The following GALNTL6 variants were observed in gnomAD, a reference collection of about 807,000 sequenced individuals.
The protein encoded by GALNTL6 is polypeptide N-acetylgalactosaminyltransferase like 6.
GALNTL6 carries 46 observed loss-of-function variants against 73.7 expected under a neutral mutation model. The ratio of observed to expected loss-of-function variants is 0.62; its 90% CI spans 0.49 to 0.80. GALNTL6 has a LOEUF of 0.80. GALNTL6 is among the 30% of genes least tolerant of loss of function. GALNTL6 has a pLI of 0.00. For missense variants in GALNTL6, 604 were observed against 755.0 expected (o/e 0.80, Z 2.34); for synonymous variants, 259 against 263.7 (o/e 0.98, Z 0.17).
chr4:172,721,535 T>C (rs1387346758), intron 5 of GALNTL6, among the ~76,000 whole-genome samples: 1 of 152,202 alleles, frequency 6.6e-6, no homozygotes, highest in African/African-American at 2.4e-5. Flanking sequence ...AATCTTCAGC[T>C]TTCTTAAAGT....
At chr4:172,486,067 C>T (rs975931750) in intron 5 of GALNTL6, among the ~76,000 whole-genome samples, 6 of 152,128 alleles carry the variant, frequency 3.9e-5, no homozygotes, top group African/African-American at 1.4e-4. Context: ...CTAAACTGCT[C>T]AGAGTACAAT....
At chr4:172,691,865 G>A (rs753714723) in intron 5 of GALNTL6, among the ~76,000 whole-genome samples, 61 of 152,266 alleles carry the variant, frequency 4.0e-4, no homozygotes, top group Non-Finnish European at 6.8e-4. Flanking sequence ...AAATTATTGT[G>A]TGCACCCAAT....
chr4:172,027,364 A>G (rs1232963703), intron 2 of GALNTL6, among the ~76,000 whole-genome samples: 1 of 152,140 alleles, frequency 6.6e-6, no homozygotes, highest in East Asian at 1.9e-4. Flanking sequence ...AAATGTTGTC[A>G]TCATTATTAT....
chr4:172,650,919 T>C (rs1311974425), intron 5 of GALNTL6, among the ~76,000 whole-genome samples: 1 of 152,206 alleles, frequency 6.6e-6, no homozygotes, highest in Non-Finnish European at 1.5e-5. Context: ...GATATCATAA[T>C]TCTTAGTGTG....
At chr4:172,882,340 G>A (rs2111191449) in intron 7 of GALNTL6, among the ~76,000 whole-genome samples, 1 of 152,248 alleles carries the variant, frequency 6.6e-6, no homozygotes, top group East Asian at 1.9e-4. Flanking sequence ...GATGCTTAGT[G>A]AATGCGTACT....
At chr4:172,311,512 C>A (rs1014280173) in intron 3 of GALNTL6, 102 bp from the exon 4 acceptor site, 2 of 886,930 alleles carry the variant, frequency 2.3e-6, no homozygotes, top group Non-Finnish European at 3.3e-6. Flanking sequence ...TTCTGCAGAG[C>A]ACAGCAATAG....
At chr4:172,646,596 T>C (rs185007764) in intron 5 of GALNTL6, among the ~76,000 whole-genome samples, 1 of 152,176 alleles carries the variant, frequency 6.6e-6, no homozygotes, top group Admixed American at 6.6e-5. Context: ...TTTACTTTTG[T>C]ATAATACAGT....
At chr4:172,007,246 T>C (rs1418694900) in intron 2 of GALNTL6, among the ~76,000 whole-genome samples, 3 of 152,110 alleles carry the variant, frequency 2.0e-5, no homozygotes, top group African/African-American at 7.2e-5. Flanking sequence ...TCATGTAGAC[T>C]ATATTTTTCT....
chr4:172,577,866 T>C (rs760004289), intron 5 of GALNTL6, among the ~76,000 whole-genome samples: 3 of 151,962 alleles, frequency 2.0e-5, no homozygotes, highest in Non-Finnish European at 2.9e-5. Flanking sequence ...TCCCCACAAC[T>C]CCCCAAAATA....
At chr4:172,345,077 C>T (rs1225246692) in intron 4 of GALNTL6, among the ~76,000 whole-genome samples, 1 of 146,604 alleles carries the variant, frequency 6.8e-6, no homozygotes, top group Non-Finnish European at 1.5e-5. Flanking sequence ...CTCCTTAGCA[C>T]ATTATGAAGA....
chr4:173,026,689 C>T (rs527975606), intron 12 of GALNTL6, among the ~76,000 whole-genome samples: 4 of 152,068 alleles, frequency 2.6e-5, no homozygotes, highest in Non-Finnish European at 5.9e-5. Flanking sequence ...AGTCTTTTGC[C>T]CATTTTCAAA....
At chr4:172,615,633 T>C (rs538262575) in intron 5 of GALNTL6, among the ~76,000 whole-genome samples, 6 of 152,328 alleles carry the variant, frequency 3.9e-5, no homozygotes, top group African/African-American at 1.4e-4. Flanking sequence ...TTATGATGTA[T>C]GGCAAGAATG....
rs114104656 is a variant in GALNTL6, at chr4:172,550,596, T to C, written c.553+201907T>C. ...ACTGCAAATTGCAATTTAAAATTTA[T>C]TTTATTTTATTTTATTTTAGAGACA... On this transcript the variant is annotated intron_variant, in intron 5 of 12. Coordinates refer to ENST00000506823, the MANE Select transcript of GALNTL6 (RefSeq NM_001034845.3). 7.3e-3 allele frequency among the ~76,000 whole-genome samples: 1,107 copies of C among 151,998 alleles called. 16 individuals are homozygous for C. Among genetic ancestry groups the C allele is most frequent in the African/African-American group, 0.025 (1,035 of 41,388 alleles).
At chr4:172,461,714 C>T (rs139005296) in intron 5 of GALNTL6, among the ~76,000 whole-genome samples, 1,719 of 152,206 alleles carry the variant, frequency 0.011, 18 homozygotes, top group Non-Finnish European at 0.014. Context: ...AATGTTTTTG[C>T]TTATAAGGTC....
intron 2 of GALNTL6, among the ~76,000 whole-genome samples, chr4:172,039,713 C>A (rs997857066): frequency 6.6e-6 from 1 of 152,096 alleles, no homozygotes; most frequent in Non-Finnish European, 1.5e-5. Flanking sequence ...TCTGCCTGAG[C>A]AGATGGGCAA....
intron 5 of GALNTL6, among the ~76,000 whole-genome samples, chr4:172,786,781 T>C (rs975767684): frequency 2.6e-5 from 4 of 152,136 alleles, no homozygotes; most frequent in African/African-American, 7.2e-5. Flanking sequence ...ATATTTAAAC[T>C]AAAAAGAGTA....
intron 5 of GALNTL6, among the ~76,000 whole-genome samples, chr4:172,741,429 G>A (rs941006528): frequency 1.3e-5 from 2 of 151,900 alleles, no homozygotes; most frequent in African/African-American, 4.8e-5. Flanking sequence ...TATCCTTATT[G>A]GCAAAACCTA....
chr4:172,057,720 AAAAAAAAAT>A (rs1321012781), intron 2 of GALNTL6, among the ~76,000 whole-genome samples: 6 of 77,422 alleles, frequency 7.7e-5, no homozygotes, highest in Admixed American at 3.2e-4. Context: ...AAAAAAAAAA[AAAAAAAAAT>A]ATATATATAT....
At position 171,876,677 on chromosome 4, in the gene GALNTL6, T is replaced by C. The variant is rs545925896; in HGVS notation, c.138+61959T>C. Reference sequence around the variant, plus strand: ...ACTTAGATAGTAACCTTAGTTAAGATAGTCATTTTAATGAAAAAATGGCAT... The same window carrying C: ...ACTTAGATAGTAACCTTAGTTAAGACAGTCATTTTAATGAAAAAATGGCAT... On this transcript the variant is annotated intron_variant, in intron 2 of 12. Coordinates refer to ENST00000506823, the MANE Select transcript of GALNTL6 (RefSeq NM_001034845.3). 4.6e-5 allele frequency among the ~76,000 whole-genome samples: 7 copies of C among 152,204 alleles called. 1 individual carries two copies. In the East Asian group the frequency reaches 1.2e-3, roughly 25 times the overall value.
Sources: gnomAD v4.1 joint callset for allele counts (sites outside exome capture counted in the v4.1 genomes callset) on GRCh38, gnomAD v4.1.1 for gene constraint, MANE v1.5 for transcripts, NCBI Gene and HGNC (gene_info 2026-07-23, HGNC 2026-07-21) for gene names.